Variants in ESR1 observed in about 807,000 individuals in gnomAD.
The protein encoded by ESR1 is estrogen receptor 1, also known as estrogen receptor.
ESR1 carries 12 observed loss-of-function variants against 52.7 expected under a neutral mutation model. The ratio of observed to expected loss-of-function variants is 0.23; its 90% CI spans 0.15 to 0.37. ESR1 has a LOEUF of 0.37. ESR1 is among the 10% of genes least tolerant of loss of function. ESR1 has a pLI of 1.00. For missense variants in ESR1, 584 were observed against 779.7 expected (o/e 0.75, Z 2.99); for synonymous variants, 305 against 316.8 (o/e 0.96, Z 0.39).
intron 2 of ESR1, among the ~76,000 whole-genome samples, chr6:151,702,668 G>A (rs371097607): frequency 2.0e-5 from 3 of 152,126 alleles, no homozygotes; most frequent in African/African-American, 7.2e-5. Flanking sequence ...GAAAAGACAA[G>A]CCATGCCACT....
At chr6:151,881,458 C>T (rs1792896381) in intron 3 of ESR1, among the ~76,000 whole-genome samples, 2 of 148,904 alleles carry the variant, frequency 1.3e-5, no homozygotes, top group South Asian at 4.3e-4. Context: ...CCAGTTTTGT[C>T]ATACAGGAAT....
intron 1 of ESR1, among the ~76,000 whole-genome samples, chr6:151,822,726 T>A (rs746757794): frequency 2.6e-5 from 4 of 152,216 alleles, no homozygotes; most frequent in Admixed American, 6.5e-5. Context: ...AGTTTCTTTT[T>A]GGTAACCTAA....
chr6:151,892,000 T>C (rs1167059819), intron 3 of ESR1, among the ~76,000 whole-genome samples: 1 of 152,198 alleles, frequency 6.6e-6, no homozygotes, highest in Non-Finnish European at 1.5e-5. Context: ...TAATTGTTTT[T>C]AGATAATTCT....
chr6:152,089,000 A>C (rs1562774190), intron 6 of ESR1, among the ~76,000 whole-genome samples: 1 of 152,218 alleles, frequency 6.6e-6, no homozygotes, highest in Admixed American at 6.5e-5. Context: ...TTAATATCCC[A>C]CTACATTCAA....
intron 3 of ESR1, among the ~76,000 whole-genome samples, chr6:151,941,318 A>T (rs61112218): frequency 0.18 from 26,933 of 152,024 alleles, 3,719 homozygotes; most frequent in African/African-American, 0.38. Context: ...ATTTCTTTCT[A>T]AACTTGTAGA....
intron 1 of ESR1, among the ~76,000 whole-genome samples, chr6:151,696,806 C>T (rs948884088): frequency 2.0e-5 from 3 of 151,964 alleles, no homozygotes; most frequent in Non-Finnish European, 4.4e-5. Flanking sequence ...CTGAGCACCA[C>T]GGTGAGGAAG....
At chr6:151,678,990 TG>T (rs1374734441) in intron 1 of ESR1, among the ~76,000 whole-genome samples, 34 of 152,298 alleles carry the variant, frequency 2.2e-4, no homozygotes, top group Non-Finnish European at 1.8e-4. Flanking sequence ...CAGCCACCAC[TG>T]GGTTTTATAA....
At chr6:151,999,618 C>CT (rs1162227612) in intron 4 of ESR1, among the ~76,000 whole-genome samples, 1 of 152,018 alleles carries the variant, frequency 6.6e-6, no homozygotes, top group Non-Finnish European at 1.5e-5. Flanking sequence ...GAAATTCTTA[C>CT]TTAGTCTGTT....
intron 6 of ESR1, among the ~76,000 whole-genome samples, chr6:152,092,296 A>C (rs74740925): frequency 1.3e-5 from 2 of 152,240 alleles, no homozygotes; most frequent in Non-Finnish European, 2.9e-5. Context: ...GGGTACCAAA[A>C]GCTACATTAT....
intron 1 of ESR1, among the ~76,000 whole-genome samples, chr6:151,826,302 C>T (rs892539687): frequency 3.3e-5 from 5 of 152,238 alleles, no homozygotes; most frequent in African/African-American, 9.6e-5. Context: ...AACATAAGAG[C>T]GAATGAGTTA....
At position 151,884,885 on chromosome 6, in the gene ESR1, G is replaced by A. The variant is rs112272725; in HGVS notation, c.760+4114G>A. 6.6e-5 allele frequency among the ~76,000 whole-genome samples: 10 copies of A among 152,200 alleles called. No individual in the cohort carries two copies. The East Asian group carries it at 1.9e-3, about 29-fold the overall frequency. On this transcript the variant is annotated intron_variant, in intron 3 of 7. Transcript: ENST00000206249. ...AGTTACCTGACAGTTCCTGAGGCTC[G>A]AAGTTCAAAATCAAGGTGCTGGAAA... is the stretch of plus-strand genomic sequence containing the variant.
chr6:152,016,062 GT>G (rs1472775084), intron 5 of ESR1, among the ~76,000 whole-genome samples: 1 of 152,132 alleles, frequency 6.6e-6, no homozygotes, highest in Non-Finnish European at 1.5e-5. Context: ...TCCCCATACT[GT>G]TAGTGTGGTA....
At chr6:152,064,873 G>A (rs1318879395) in intron 6 of ESR1, among the ~76,000 whole-genome samples, 1 of 152,136 alleles carries the variant, frequency 6.6e-6, no homozygotes, top group Non-Finnish European at 1.5e-5. Context: ...AATGTATCAT[G>A]CTCTTCAGTG....
intron 2 of ESR1, among the ~76,000 whole-genome samples, chr6:151,755,216 A>C (rs1278277677): frequency 2.6e-5 from 4 of 151,212 alleles, no homozygotes; most frequent in African/African-American, 4.9e-5. Flanking sequence ...CCTCAAAAAA[A>C]AAAAACAAAA....
chr6:152,094,582 G>C lies in ESR1; in HGVS notation c.1553+14G>C. 6.2e-7 allele frequency: 1 copy of C among 1,612,538 alleles called. No individual in the cohort carries two copies. Among genetic ancestry groups the C allele is most frequent in the Non-Finnish European group, 8.5e-7 (1 of 1,179,550 alleles). ...CAGGCACATGAGGTGAGGCATCTGT[G>C]GGCTTCCTACAGGAGAGACATAAAG... On this transcript the variant is annotated intron_variant, in intron 7 of 7. Transcript: ENST00000206249. The surrounding 1 kb of genome is among the most constrained non-coding windows in gnomAD (Gnocchi z 4.6).
intron 4 of ESR1, among the ~76,000 whole-genome samples, chr6:152,008,658 C>T (rs1358266338): frequency 6.6e-6 from 1 of 152,070 alleles, no homozygotes; most frequent in African/African-American, 2.4e-5. Flanking sequence ...TCATGAGACA[C>T]ACCCAGATAT....
At chr6:151,921,892 G>A (rs2031765847) in intron 3 of ESR1, among the ~76,000 whole-genome samples, 2 of 152,120 alleles carry the variant, frequency 1.3e-5, no homozygotes, top group South Asian at 4.1e-4. Context: ...TAGGTTGCCT[G>A]TTTTCTCTGA....
At chr6:152,088,920 T>G (rs2049962863) in intron 6 of ESR1, among the ~76,000 whole-genome samples, 1 of 152,216 alleles carries the variant, frequency 6.6e-6, no homozygotes, top group Admixed American at 6.5e-5. Context: ...ATTATAAGTG[T>G]ATTGTCAAAG....
At chr6:151,671,275 C>T (rs911760654) in intron 1 of ESR1, among the ~76,000 whole-genome samples, 1 of 152,140 alleles carries the variant, frequency 6.6e-6, no homozygotes, top group Admixed American at 6.5e-5. Context: ...GATATGGAAT[C>T]GACCTGAGTG....
Sources: gnomAD v4.1 joint callset for allele counts (sites outside exome capture counted in the v4.1 genomes callset) on GRCh38, gnomAD v4.1.1 for gene constraint, Gnocchi (gnomAD v3.1) non-coding constraint, MANE v1.5 for transcripts, NCBI Gene and HGNC (gene_info 2026-07-23, HGNC 2026-07-21) for gene names.